The following HTR3D variants were observed in gnomAD, a reference collection of about 807,000 sequenced individuals.
HTR3D encodes the protein 5-hydroxytryptamine receptor 3D.
A neutral mutation model predicts 45.8 loss-of-function variants in HTR3D; 47 were observed. The ratio of observed to expected loss-of-function variants is 1.03; its 90% CI spans 0.81 to 1.31. The LOEUF is 1.31. HTR3D is among the 50% of genes most tolerant of loss of function. The pLI, the probability that HTR3D is intolerant of heterozygous loss-of-function variation, is 0.00. For synonymous variants in HTR3D, 203 were observed against 199.8 expected (o/e 1.02, Z -0.13); for missense variants, 448 against 506.9 (o/e 0.88, Z 1.12).
At chr3:184,032,889 C>T in intron 1 of HTR3D, 1 of 1,552,132 alleles carries the variant, frequency 6.4e-7, no homozygotes, top group South Asian at 1.2e-5. Context: ...TCTCTGCTCA[C>T]TACAGGAAAT....
rs1304227108 is a variant in HTR3D at position 184,039,038 on chromosome 3, T to C, written c.*63T>C. ...TTTGCCAGAGAACTCCAGAAACCAGTCAGGCTCTCAGTCAGCCTTGTGGCC... is the reference window on the plus strand; with the variant it reads ...TTTGCCAGAGAACTCCAGAAACCAGCCAGGCTCTCAGTCAGCCTTGTGGCC... On this transcript the variant is annotated 3_prime_UTR_variant, in exon 8 of 8. Transcript: ENST00000428798. 7 of 1,459,034 alleles carry C rather than the reference T, an allele frequency of 4.8e-6. No individual in the cohort carries two copies. The highest frequency in any genetic ancestry group is 4.6e-6 in the Non-Finnish European group (5 of 1,081,750). The allele number at this position is 1,459,034 out of a possible 1,614,324, so 90.4% of individuals were successfully genotyped here. A position where few individuals can be genotyped will look rare whatever the true frequency, so the allele number is the denominator to read the frequency against.
At chr3:184,037,359 A>T (rs1576979273) in intron 5 of HTR3D, among the ~76,000 whole-genome samples, 1 of 152,110 alleles carries the variant, frequency 6.6e-6, no homozygotes. Context: ...TTTTTCACTG[A>T]TAAACCTTCA....
At chr3:184,033,031 C>T (rs1576975974) in intron 1 of HTR3D, 5 of 1,551,782 alleles carry the variant, frequency 3.2e-6, no homozygotes, top group East Asian at 2.4e-5. Flanking sequence ...ATGTCAACAT[C>T]TCCTTCACCT....
At position 184,032,027 on chromosome 3, in the gene HTR3D, C is replaced by T. The variant is rs566635759; in HGVS notation, c.66+220C>T. Among the ~76,000 whole-genome samples the T allele has an allele frequency of 3.5e-4, 49 of 140,872 alleles. 1 individual carries two copies. The South Asian group carries it at 0.01, about 29-fold the overall frequency. 92.4% of individuals were successfully genotyped at this position (140,872 alleles called of 152,430 possible). A position where few individuals can be genotyped will look rare whatever the true frequency, so the allele number is the denominator to read the frequency against. On this transcript the variant is annotated intron_variant, in intron 1 of 7. Transcript: ENST00000428798. ...TTTTTTTTTTTGAGATGGAGTCTCG[C>T]TCTGTTACCCAGGCTAGAGTGCAGT...
chr3:184,038,203 G>A lies in HTR3D; in HGVS notation c.699G>A (p.Leu233=). The A allele has an allele frequency of 6.2e-7, 1 of 1,614,148 alleles. No individual in the cohort carries two copies. The highest frequency in any genetic ancestry group is 8.5e-7 in the Non-Finnish European group (1 of 1,180,020). ...TCTTCCTGCTCATGATGAATGACTTGCTCCCAGCCACTAGCACTTCATCAC... is the reference window on the plus strand; with the variant it reads ...TCTTCCTGCTCATGATGAATGACTTACTCCCAGCCACTAGCACTTCATCAC... ...YSVFLLMMND[L]LPATSTSSHA... Residue 233 remains leucine, a synonymous_variant, in exon 6 of 8, where the codon TTG becomes TTA. Transcript: ENST00000428798. This position sits in a 1 kb window ranked among gnomAD's most constrained non-coding sequence, Gnocchi z 4.5.
upstream of HTR3D, chr3:184,031,595 C>T (rs1406653484): frequency 6.5e-6 from 4 of 613,104 alleles, no homozygotes; most frequent in Admixed American, 2.7e-5. Flanking sequence ...CTGTGACATT[C>T]TTTTGTCACC....
intron 5 of HTR3D, among the ~76,000 whole-genome samples, chr3:184,037,635 T>A (rs560596015): frequency 6.6e-6 from 1 of 152,338 alleles, no homozygotes; most frequent in African/African-American, 2.4e-5. Flanking sequence ...TCCCTCCCAC[T>A]GGTCTCAAAT....
chr3:184,037,866 G>A (rs993371265), intron 5 of HTR3D, among the ~76,000 whole-genome samples, 155 bp from the exon 6 acceptor site: 5 of 152,152 alleles, frequency 3.3e-5, no homozygotes, highest in African/African-American at 4.8e-5. Context: ...CTTGTGAGAC[G>A]CCTTTGGATG....
intron 1 of HTR3D, among the ~76,000 whole-genome samples, chr3:184,033,256 C>A (rs1366829546): frequency 6.6e-6 from 1 of 151,766 alleles, no homozygotes; most frequent in Non-Finnish European, 1.5e-5. Flanking sequence ...GCACGTGCTG[C>A]CCCACCCAGC....
intron 1 of HTR3D, among the ~76,000 whole-genome samples, chr3:184,032,025 C>T (rs1241013116): frequency 1.5e-5 from 2 of 133,370 alleles, no homozygotes; most frequent in African/African-American, 3.1e-5. Context: ...GATGGAGTCT[C>T]GCTCTGTTAC....
intron 5 of HTR3D, 149 bp from the exon 6 acceptor site, chr3:184,037,872 G>A: frequency 1.1e-6 from 1 of 941,694 alleles, no homozygotes. Context: ...AGACGCCTTT[G>A]GATGAAAAGA....
chr3:184,039,053 G>GTCCAAATTTCAT lies in HTR3D; in HGVS notation c.*78_*79insTCCAAATTTCAT. 1.2e-6 allele frequency: 1 copy of GTCCAAATTTCAT among 863,216 alleles called. No individual in the cohort carries two copies. The highest frequency in any genetic ancestry group is 1.5e-6 in the Non-Finnish European group (1 of 647,138). 53.5% of individuals were successfully genotyped at this position (863,216 alleles called of 1,614,324 possible). ...CAGAAACCAGTCAGGCTCTCAGTCAGCCTTGTGGCCCTGTCAACCGCCTCA... is the reference window on the plus strand; with the variant it reads ...CAGAAACCAGTCAGGCTCTCAGTCAGTCCAAATTTCATCCTTGTGGCCCTGTCAACCGCCTCA... On this transcript the variant is annotated 3_prime_UTR_variant, in exon 8 of 8. Coordinates refer to ENST00000428798, the MANE Select transcript of HTR3D (RefSeq NM_001145143.1).
At chr3:184,036,926 C>T in intron 5 of HTR3D, 30 bp downstream of exon 5, 5 of 1,545,644 alleles carry the variant, frequency 3.2e-6, no homozygotes, top group Non-Finnish European at 4.4e-6. Context: ...CAAGGTTTCA[C>T]CATGTTGGCC....
chr3:184,031,915 A>G, intron 1 of HTR3D, 108 bp downstream of exon 1: 2 of 744,150 alleles, frequency 2.7e-6, no homozygotes, highest in East Asian at 2.8e-5. Context: ...GATGTTCGTT[A>G]TGGTAAAAAT....
chr3:184,033,076 A>T, intron 1 of HTR3D: 1 of 1,529,522 alleles, frequency 6.5e-7, no homozygotes, highest in African/African-American at 1.4e-5. Context: ...TCCTCACCCA[A>T]CATTGCAGTG....
Position 184,038,106 on chromosome 3 carries a change from T to G in HTR3D, c.602T>G (p.Leu201Arg). The change falls in exon 6 of 8, where the codon CTC becomes CGC. Residue 201 changes from leucine to arginine, a missense_variant. Coordinates refer to ENST00000428798, the MANE Select transcript of HTR3D (RefSeq NM_001145143.1). This position sits in a 1 kb window ranked among gnomAD's most constrained non-coding sequence, Gnocchi z 4.5. ...GGCATTCTGATTGCCATCGATGCCC[T>G]CAGTTTCTACCTGCCACTGGAAAGT... ...PSGILIAIDALSFYLPLESGN... is the reference protein window; with the variant it reads ...PSGILIAIDARSFYLPLESGN... The G allele has an allele frequency of 6.2e-7, 1 of 1,614,164 alleles. No homozygotes were observed. The highest frequency in any genetic ancestry group is 8.5e-7 in the Non-Finnish European group (1 of 1,180,018).
At chr3:184,033,707 A>C (rs988166539) in intron 1 of HTR3D, among the ~76,000 whole-genome samples, 6 of 152,038 alleles carry the variant, frequency 3.9e-5, no homozygotes, top group Admixed American at 6.5e-5. Flanking sequence ...ACGTGAGGTC[A>C]GGAGTTCAAG....
rs1369795139 is a variant in HTR3D, at chr3:184,036,290, G to A, written c.198-85G>A. On this transcript the variant is annotated intron_variant, in intron 3 of 7. Transcript: ENST00000428798. Reference sequence around the variant, plus strand: ...TGAGTGGGGCTGGAGCTCGAGAATGGGATGACCTGACAGAGAAAGAAGGCC... The same window carrying A: ...TGAGTGGGGCTGGAGCTCGAGAATGAGATGACCTGACAGAGAAAGAAGGCC... 6.3e-5 allele frequency: 97 copies of A among 1,548,596 alleles called. 1 individual carries two copies. Among genetic ancestry groups the A allele is most frequent in the Non-Finnish European group, 8.5e-5 (97 of 1,142,970 alleles).
rs902306257 is a variant in HTR3D, at chr3:184,036,101, G to A, written c.197+1G>A. 1.3e-4 allele frequency: 196 copies of A among 1,549,772 alleles called. No individual in the cohort carries two copies. The highest frequency in any genetic ancestry group is 3.8e-4 in the Admixed American group (19 of 50,428). On this transcript the variant is annotated splice_donor_variant, in intron 3 of 7. Transcript: ENST00000428798. LOFTEE classifies it high-confidence loss of function. ...TTTCAGATGTCTTCATCGAGGAGTC[G>A]TGAGTCTCAGGCCAAAAAAGCAGAA...
Sources: gnomAD v4.1 joint callset for allele counts (sites outside exome capture counted in the v4.1 genomes callset) on GRCh38, gnomAD v4.1.1 for gene constraint, Gnocchi (gnomAD v3.1) non-coding constraint, MANE v1.5 for transcripts, NCBI Gene and HGNC (gene_info 2026-07-23, HGNC 2026-07-21) for gene names.